The following LCORL variants were observed in gnomAD, a reference collection of about 807,000 sequenced individuals.
LCORL encodes ligand dependent nuclear receptor corepressor like.
LCORL carries 41 observed loss-of-function variants against 141.8 expected under a neutral mutation model. The observed-to-expected ratio is 0.29, with a 90% CI of 0.23 to 0.38. The LOEUF is 0.38. Among genes scored for constraint, LCORL ranks in the 10% least tolerant of loss-of-function variants. The probability of loss-of-function intolerance (pLI) is 1.00; values close to 1 mark genes in which losing one functional copy is unlikely to be tolerated. For synonymous variants in LCORL, 618 were observed against 694.1 expected, an observed-to-expected ratio of 0.89 and a Z score of 1.72; for missense variants, 1,759 against 2,035.0, an observed-to-expected ratio of 0.86 and a Z score of 2.61.
chr4:17,904,820 A>G (rs1467310194), intron 5 of LCORL, among the ~76,000 whole-genome samples: 2 of 152,026 alleles, frequency 1.3e-5, no homozygotes, highest in African/African-American at 4.8e-5. Flanking sequence ...GACTTTATTT[A>G]TCACCTTGAC....
intron 4 of LCORL, chr4:17,911,645 C>T (rs920914207): frequency 1.9e-5 from 9 of 462,910 alleles, no homozygotes; most frequent in Admixed American, 5.1e-5. Flanking sequence ...AGTCTGAGTC[C>T]TGTCCTCTCA....
chr4:17,899,950 T>C (rs543706149), intron 5 of LCORL, among the ~76,000 whole-genome samples: 24 of 152,296 alleles, frequency 1.6e-4, no homozygotes, highest in African/African-American at 5.8e-4. Context: ...ACTATGTACA[T>C]GCAAATATTC....
intron 1 of LCORL, among the ~76,000 whole-genome samples, chr4:17,990,980 C>G: frequency 6.6e-6 from 1 of 151,730 alleles, no homozygotes; most frequent in South Asian, 2.1e-4. Flanking sequence ...AGAAAAACTA[C>G]CTTCAAAAAA....
intron 1 of LCORL, among the ~76,000 whole-genome samples, chr4:18,003,667 T>C (rs146257595): frequency 2.0e-4 from 31 of 152,170 alleles, no homozygotes; most frequent in Non-Finnish European, 3.4e-4. Context: ...GGTAGGGAGA[T>C]AGAGAAATGA....
chr4:17,912,918 C>G (rs1577399488), intron 4 of LCORL: 1 of 468,758 alleles, frequency 2.1e-6, no homozygotes, highest in East Asian at 5.3e-5. Context: ...CCACCAGCCA[C>G]CGGATAGTGG....
intron 2 of LCORL, among the ~76,000 whole-genome samples, chr4:17,971,229 G>T (rs1715863963): frequency 6.6e-6 from 1 of 151,760 alleles, no homozygotes; most frequent in African/African-American, 2.4e-5. Context: ...CAAACATTTT[G>T]GTGTCTTTTC....
chr4:17,916,830 C>T (rs890455723), intron 4 of LCORL, among the ~76,000 whole-genome samples: 3 of 151,158 alleles, frequency 2.0e-5, no homozygotes, highest in South Asian at 2.1e-4. Flanking sequence ...TTTTTAGTAG[C>T]GGCTGGGTTT....
intron 4 of LCORL, chr4:17,960,361 C>A (rs1394449288): frequency 6.5e-6 from 1 of 154,192 alleles, no homozygotes; most frequent in African/African-American, 2.4e-5. Flanking sequence ...GGCAATGGAG[C>A]ATAGGCTAAC....
chr4:17,855,603 C>T (rs751371634), intron 7 of LCORL, among the ~76,000 whole-genome samples: 2 of 152,176 alleles, frequency 1.3e-5, no homozygotes, highest in African/African-American at 2.4e-5. Flanking sequence ...TCCCATTCTG[C>T]CTTACCCACG....
chr4:17,898,953 T>C (rs1436636221), intron 5 of LCORL, among the ~76,000 whole-genome samples: 4 of 152,184 alleles, frequency 2.6e-5, no homozygotes, highest in Non-Finnish European at 5.9e-5. Flanking sequence ...TGAAAATGTC[T>C]GTTGCTTAAC....
intron 4 of LCORL, among the ~76,000 whole-genome samples, chr4:17,951,354 C>A (rs1739696733): frequency 6.6e-6 from 1 of 152,166 alleles, no homozygotes; most frequent in Non-Finnish European, 1.5e-5. Context: ...CTTTAAAATG[C>A]TACAATTTTA....
intron 4 of LCORL, among the ~76,000 whole-genome samples, chr4:17,948,078 G>A (rs1304564531): frequency 6.6e-6 from 1 of 151,902 alleles, no homozygotes; most frequent in Non-Finnish European, 1.5e-5. Flanking sequence ...AGCAGATAAG[G>A]GAATAATGGC....
intron 1 of LCORL, among the ~76,000 whole-genome samples, chr4:17,997,014 C>T (rs1560460709): frequency 6.6e-6 from 1 of 152,154 alleles, no homozygotes; most frequent in Non-Finnish European, 1.5e-5. Context: ...AAACAACTAA[C>T]CCATGACGCT....
chr4:17,876,829 A>G (rs1726973719), exon 7 of LCORL: 1 of 1,230,658 alleles, frequency 8.1e-7, no homozygotes, highest in Non-Finnish European at 1.0e-6. Flanking sequence ...GTTGTTTTAA[A>G]GCTTTCTGAA....
At chr4:17,880,496 C>A (rs1442924764) in intron 6 of LCORL, 3 of 943,604 alleles carry the variant, frequency 3.2e-6, no homozygotes, top group African/African-American at 1.8e-5. Flanking sequence ...TCCATTTTGC[C>A]CACTAGAAAC....
chr4:17,897,213 C>CTTTTTTT (rs761784734), intron 5 of LCORL, among the ~76,000 whole-genome samples: 5 of 63,980 alleles, frequency 7.8e-5, no homozygotes, highest in African/African-American at 2.9e-4. Flanking sequence ...ATACTGATTT[C>CTTTTTTT]TTTTTTTTTT....
chr4:17,893,256 C>G, intron 5 of LCORL: 1 of 475,728 alleles, frequency 2.1e-6, no homozygotes, highest in Non-Finnish European at 2.7e-6. Flanking sequence ...AATTTCACTT[C>G]TAGGAATTTG....
exon 8 of LCORL, chr4:17,844,281 G>C (rs1722710164): frequency 6.6e-6 from 1 of 152,284 alleles, no homozygotes; most frequent in South Asian, 2.1e-4. Context: ...TACGAAACTT[G>C]TACTATATGA....
At chr4:17,878,849 T>A (rs79640067) in intron 6 of LCORL, among the ~76,000 whole-genome samples, 292 of 151,504 alleles carry the variant, frequency 1.9e-3, no homozygotes, top group East Asian at 0.016. Context: ...CTTACCTAAT[T>A]ATTAAGTTTC....
Sources: allele counts gnomAD v4.1 joint callset (sites outside exome capture counted in the v4.1 genomes callset), GRCh38; gene constraint gnomAD v4.1.1; transcripts MANE v1.5; gene names NCBI Gene and HGNC (gene_info 2026-07-23, HGNC 2026-07-21).